Variants in ABCD3 observed in about 807,000 individuals in gnomAD.
ABCD3 encodes the protein ATP-binding cassette sub-family D member 3.
ABCD3 carries 41 observed loss-of-function variants against 105.5 expected under a neutral mutation model. The ratio of observed to expected loss-of-function variants is 0.39; its 90% CI spans 0.30 to 0.50. ABCD3 has a LOEUF of 0.50. ABCD3 is among the 20% of genes least tolerant of loss of function. ABCD3 has a pLI of 0.84. For synonymous variants in ABCD3, 258 were observed against 269.0 expected (o/e 0.96, Z 0.40); for missense variants, 622 against 806.3 (o/e 0.77, Z 2.77).
chr1:94,480,286 A>G, intron 8 of ABCD3, 178 bp from the exon 9 acceptor site: 1 of 668,092 alleles, frequency 1.5e-6, no homozygotes, highest in Admixed American at 2.8e-5. Flanking sequence ...CATGAGTAGT[A>G]AAAGTGTAGA....
In ABCD3 at chr1:94,493,996, A is replaced by G. The variant is rs184604816; in HGVS notation, c.1386+2749A>G. On this transcript the variant is annotated intron_variant, in intron 16 of 22. Transcript: ENST00000370214. ...CATTAGGAGATATACCTAATGCTAA[A>G]TGACAAGTTAATGGGTGCAGCACAC... Among the ~76,000 whole-genome samples the G allele has an allele frequency of 4.1e-3, 624 of 152,260 alleles. 6 individuals carry two copies. Among genetic ancestry groups the G allele is most frequent in the African/African-American group, 0.015 (611 of 41,550 alleles).
intron 2 of ABCD3, among the ~76,000 whole-genome samples, chr1:94,458,928 TA>T (rs1277712681): frequency 7.4e-5 from 11 of 147,792 alleles, no homozygotes; most frequent in African/African-American, 2.7e-4. Context: ...TATCGAGATA[TA>T]TCTTGTCCCC....
intron 1 of ABCD3, among the ~76,000 whole-genome samples, chr1:94,422,610 A>G (rs1485477184): frequency 6.6e-6 from 1 of 152,194 alleles, no homozygotes; most frequent in African/African-American, 2.4e-5. Context: ...GCATGAACTG[A>G]GTCATCTTTA....
intron 9 of ABCD3, chr1:94,482,750 G>C (rs2101010435): frequency 5.2e-6 from 1 of 190,834 alleles, no homozygotes; most frequent in Middle Eastern, 2.3e-3. Flanking sequence ...TGTATGTCAA[G>C]TCATCACTAT....
intron 1 of ABCD3, among the ~76,000 whole-genome samples, chr1:94,456,314 G>A (rs994515009): frequency 9.6e-5 from 11 of 114,720 alleles, no homozygotes; most frequent in East Asian, 2.8e-4. Context: ...TTGCTCTGTC[G>A]CCCAGGCTGG....
At chr1:94,491,919 A>G (rs1417136868) in intron 16 of ABCD3, among the ~76,000 whole-genome samples, 2 of 152,118 alleles carry the variant, frequency 1.3e-5, no homozygotes, top group African/African-American at 4.8e-5. Context: ...CTTCATAATT[A>G]GTAACAAATT....
chr1:94,390,227 G>A, the ABCD3 span, among the ~76,000 whole-genome samples: 7 of 152,134 alleles, frequency 4.6e-5, no homozygotes, highest in African/African-American at 1.7e-4. Flanking sequence ...AGTTCCTGTA[G>A]GGGTCACGTG....
chr1:94,462,201 TTA>T (rs1433401844), intron 2 of ABCD3, among the ~76,000 whole-genome samples: 1 of 152,202 alleles, frequency 6.6e-6, no homozygotes, highest in Non-Finnish European at 1.5e-5. Flanking sequence ...TTTTTTATAT[TTA>T]AAAAAATTAT....
At chr1:94,435,092 T>C (rs984894664) in intron 1 of ABCD3, among the ~76,000 whole-genome samples, 1 of 152,214 alleles carries the variant, frequency 6.6e-6, no homozygotes, top group African/African-American at 2.4e-5. Flanking sequence ...ACAGATTCTG[T>C]AGTCTAGATT....
chr1:94,418,785 G>C (rs1158365758), intron 1 of ABCD3, 197 bp downstream of exon 1: 1 of 606,154 alleles, frequency 1.6e-6, no homozygotes, highest in African/African-American at 1.9e-5. Context: ...CAGCTGGCCT[G>C]TCCGGCGACC....
intron 1 of ABCD3, among the ~76,000 whole-genome samples, chr1:94,451,360 G>C (rs1009693278): frequency 1.3e-5 from 2 of 152,110 alleles, no homozygotes; most frequent in Non-Finnish European, 2.9e-5. Context: ...TTACTTGTCA[G>C]AATAATTTTG....
At chr1:94,399,633 G>C in the ABCD3 span, among the ~76,000 whole-genome samples, 1 of 152,170 alleles carries the variant, frequency 6.6e-6, no homozygotes, top group Non-Finnish European at 1.5e-5. Flanking sequence ...CTACTTCCTG[G>C]TGTTTTTGTT....
chr1:94,515,623 C>T (rs1006490173), intron 22 of ABCD3, among the ~76,000 whole-genome samples: 1 of 151,826 alleles, frequency 6.6e-6, no homozygotes, highest in Non-Finnish European at 1.5e-5. Context: ...TATCAATGTA[C>T]TGTAGTAAGT....
At chr1:94,393,004 C>T in the ABCD3 span, among the ~76,000 whole-genome samples, 6 of 151,622 alleles carry the variant, frequency 4.0e-5, no homozygotes, top group South Asian at 1.0e-3. Flanking sequence ...CCCAGCTACT[C>T]GGGAGGCTGA....
At chr1:94,495,595 A>G (rs1649762124) in intron 16 of ABCD3, among the ~76,000 whole-genome samples, 1 of 152,232 alleles carries the variant, frequency 6.6e-6, no homozygotes, top group Admixed American at 6.5e-5. Context: ...AGGATAACTC[A>G]GGATTTCAGT....
the ABCD3 span, among the ~76,000 whole-genome samples, chr1:94,392,578 C>T: frequency 1.3e-5 from 2 of 152,168 alleles, no homozygotes; most frequent in African/African-American, 4.8e-5. Flanking sequence ...TGACATCTGC[C>T]ATCCCATTGA....
chr1:94,493,720 A>T (rs1256637592), intron 16 of ABCD3, among the ~76,000 whole-genome samples: 102 of 152,242 alleles, frequency 6.7e-4, no homozygotes, highest in Middle Eastern at 3.4e-3. Context: ...TAGACTGGAT[A>T]AAGAAAATGT....
rs1003392254 is a variant in ABCD3 at position 94,456,501 on chromosome 1, CTCCTGAGCTCAGTCAG to C, written c.111-2101_111-2086del. Among the ~76,000 whole-genome samples the C allele has an allele frequency of 8.8e-4, 133 of 151,530 alleles. 1 individual carries two copies. The highest frequency in any genetic ancestry group is 3.1e-3 in the African/African-American group (126 of 41,302). ...CCGTGTTGCCCAGGCTGGTCTTGAA[CTCCTGAGCTCAGTCAG>C]TCCTCCCGCCTCGGGCTTCCAAAGT... On this transcript the variant is annotated intron_variant, in intron 1 of 22. Coordinates refer to ENST00000370214, the MANE Select transcript of ABCD3 (RefSeq NM_002858.4).
intron 20 of ABCD3, among the ~76,000 whole-genome samples, chr1:94,505,631 A>G (rs1014740310): frequency 1.3e-5 from 2 of 152,172 alleles, no homozygotes; most frequent in African/African-American, 4.8e-5. Flanking sequence ...GACAGAATAC[A>G]GGAAAAAGAG....
Sources: allele counts gnomAD v4.1 joint callset (sites outside exome capture counted in the v4.1 genomes callset), GRCh38; gene constraint gnomAD v4.1.1; transcripts MANE v1.5; gene names NCBI Gene and HGNC (gene_info 2026-07-23, HGNC 2026-07-21).